SPAG17: variants seen among roughly 807,000 people sequenced by gnomAD.
The protein encoded by SPAG17 is sperm-associated antigen 17.
A neutral mutation model predicts 273.6 loss-of-function variants in SPAG17; 169 were observed. That is an observed-to-expected ratio of 0.62 (90% confidence interval 0.55 to 0.70). The LOEUF is 0.70. SPAG17 is among the 30% of genes least tolerant of loss of function. SPAG17 has a pLI of 0.00. For missense variants in SPAG17, 2,557 were observed against 2,627.8 expected (o/e 0.97, Z 0.59); for synonymous variants, 825 against 873.2 (o/e 0.94, Z 0.97).
At chr1:117,969,643 T>C (rs1226909117) in intron 46 of SPAG17, among the ~76,000 whole-genome samples, 1 of 152,172 alleles carries the variant, frequency 6.6e-6, no homozygotes, top group Non-Finnish European at 1.5e-5. Flanking sequence ...TTAAATAATA[T>C]TCTCTGACAA....
At chr1:118,091,841 G>A in intron 9 of SPAG17, 89 bp downstream of exon 9, 1 of 1,420,696 alleles carries the variant, frequency 7.0e-7, no homozygotes, top group Non-Finnish European at 1.0e-6. Context: ...GTAGGTGAAG[G>A]GAGGCTGAAA....
rs777669869 is a variant in SPAG17, at chr1:118,005,600, C to T, written c.4590G>A (p.Val1530=). ...AAAGAGAGCCTGTGTTTGGAGGTAA[C>T]ACCTGAAAGAGTAACAGAAAGACAG... The part of the protein sequence containing the change: ...IIAKPQGTYQ[V]LPPNTGSLYI... The change falls in exon 32 of 49, where the codon GTG becomes GTA. Residue 1530 remains valine, a splice_region_variant and synonymous_variant. Transcript: ENST00000336338. 3 of 1,472,778 alleles carry T rather than the reference C, an allele frequency of 2.0e-6. No homozygotes were observed. The highest frequency in any genetic ancestry group is 2.7e-6 in the Non-Finnish European group (3 of 1,109,050). The allele number at this position is 1,472,778 out of a possible 1,614,324, so 91.2% of individuals were successfully genotyped here. A position where few individuals can be genotyped will look rare whatever the true frequency, so the allele number is the denominator to read the frequency against.
At chr1:118,148,723 A>G (rs1045098694) in intron 3 of SPAG17, among the ~76,000 whole-genome samples, 1 of 152,188 alleles carries the variant, frequency 6.6e-6, no homozygotes, top group African/African-American at 2.4e-5. Context: ...TCTAAACAGA[A>G]ATAGATTCAT....
chr1:118,065,553 T>C (rs1293881743), intron 18 of SPAG17, among the ~76,000 whole-genome samples: 2 of 152,146 alleles, frequency 1.3e-5, no homozygotes, highest in Non-Finnish European at 2.9e-5. Context: ...CATGTAACTA[T>C]TCTAAACAAT....
At chr1:118,061,734 C>T (rs1652321387) in intron 18 of SPAG17, among the ~76,000 whole-genome samples, 1 of 152,114 alleles carries the variant, frequency 6.6e-6, no homozygotes, top group East Asian at 1.9e-4. Context: ...ATATGTTCAA[C>T]CTCTCAAGAT....
intron 18 of SPAG17, among the ~76,000 whole-genome samples, chr1:118,061,108 T>C (rs1306235507): frequency 6.6e-6 from 1 of 152,136 alleles, no homozygotes; most frequent in Non-Finnish European, 1.5e-5. Flanking sequence ...TTGGTAGGAA[T>C]GTAGAAAGGT....
At chr1:118,026,089 G>A (rs766921742) in intron 26 of SPAG17, among the ~76,000 whole-genome samples, 3 of 152,092 alleles carry the variant, frequency 2.0e-5, no homozygotes, top group Admixed American at 6.6e-5. Flanking sequence ...GGATACACAC[G>A]CTGCCCTGGT....
At chr1:117,982,000 G>A (rs1655871498) in intron 42 of SPAG17, among the ~76,000 whole-genome samples, 1 of 152,128 alleles carries the variant, frequency 6.6e-6, no homozygotes, top group Non-Finnish European at 1.5e-5. Flanking sequence ...ATTTCAAGAG[G>A]AGAATAAGCA....
chr1:118,184,090 C>A (rs902370951), intron 1 of SPAG17, among the ~76,000 whole-genome samples: 1 of 150,936 alleles, frequency 6.6e-6, no homozygotes, highest in African/African-American at 2.4e-5. Flanking sequence ...GAAAAAAAAA[C>A]AGTTATAGTG....
intron 30 of SPAG17, among the ~76,000 whole-genome samples, chr1:118,010,297 C>T (rs900091564): frequency 1.3e-5 from 2 of 152,226 alleles, no homozygotes; most frequent in African/African-American, 4.8e-5. Context: ...TGCTACTCAA[C>T]TATAAGCTAT....
chr1:118,172,479 CAAGTAT>C (rs1660459877), intron 1 of SPAG17, among the ~76,000 whole-genome samples: 1 of 152,040 alleles, frequency 6.6e-6, no homozygotes, highest in African/African-American at 2.4e-5. Flanking sequence ...GTTGGTCTCA[CAAGTAT>C]AGATGCCCTT....
chr1:117,971,543 T>G (rs1425941854), intron 45 of SPAG17, among the ~76,000 whole-genome samples: 1 of 150,398 alleles, frequency 6.6e-6, no homozygotes, highest in Admixed American at 6.6e-5. Flanking sequence ...GTGCATTAGT[T>G]GCTGTAACAC....
At chr1:118,052,993 C>T (rs377556670) in intron 20 of SPAG17, among the ~76,000 whole-genome samples, 57 of 151,742 alleles carry the variant, frequency 3.8e-4, no homozygotes, top group African/African-American at 1.2e-3. Context: ...TTACTAAGAC[C>T]CTCCTCCCAC....
At chr1:118,147,978 A>C (rs919434863) in intron 3 of SPAG17, among the ~76,000 whole-genome samples, 1 of 152,196 alleles carries the variant, frequency 6.6e-6, no homozygotes, top group Non-Finnish European at 1.5e-5. Context: ...CTAGGCTTTG[A>C]TTTAAAGCTA....
At chr1:117,971,680 C>T (rs986521185) in intron 45 of SPAG17, 183 bp downstream of exon 45, 37 of 468,434 alleles carry the variant, frequency 7.9e-5, no homozygotes, top group African/African-American at 6.6e-4. Flanking sequence ...ACCCGATAAA[C>T]ACTCACTGAT....
At chr1:118,170,891 G>T (rs2102392435) in intron 1 of SPAG17, among the ~76,000 whole-genome samples, 1 of 152,282 alleles carries the variant, frequency 6.6e-6, no homozygotes, top group East Asian at 1.9e-4. Flanking sequence ...AGCCAGACTA[G>T]AAAGAGCAGA....
At chr1:118,030,403 T>C (rs1419336100) in intron 25 of SPAG17, among the ~76,000 whole-genome samples, 1 of 152,078 alleles carries the variant, frequency 6.6e-6, no homozygotes, top group African/African-American at 2.4e-5. Context: ...TTTTAGAACC[T>C]TCTTTTTTTT....
chr1:117,974,871 T>G (rs925949330), intron 43 of SPAG17, among the ~76,000 whole-genome samples: 1 of 152,178 alleles, frequency 6.6e-6, no homozygotes, highest in Non-Finnish European at 1.5e-5. Context: ...GTGCCACACA[T>G]GTTTTTACAC....
rs1553242204 is a variant in SPAG17, at chr1:118,062,384, A to AAAAAAAAAAT, written c.2540+4360_2540+4361insATTTTTTTTT. Among the ~76,000 whole-genome samples, 185 of 149,210 alleles carry AAAAAAAAAAT rather than the reference A, an allele frequency of 1.2e-3. 5 individuals are homozygous for AAAAAAAAAAT. Among genetic ancestry groups the AAAAAAAAAAT allele is most frequent in the African/African-American group, 4.4e-3 (177 of 40,390 alleles). Reference sequence around the variant, plus strand: ...TCCATCTCAAAAAAAAAAAAAAAAAAAAATTAAAGAAAAAGGTTTGTATAA... The same window carrying AAAAAAAAAAT: ...TCCATCTCAAAAAAAAAAAAAAAAAAAAAAAAAAATAAATTAAAGAAAAAGGTTTGTATAA... On this transcript the variant is annotated intron_variant, in intron 18 of 48. Coordinates refer to ENST00000336338, the MANE Select transcript of SPAG17 (RefSeq NM_206996.4).
Sources: gnomAD v4.1 joint callset for allele counts (sites outside exome capture counted in the v4.1 genomes callset) on GRCh38, gnomAD v4.1.1 for gene constraint, MANE v1.5 for transcripts, NCBI Gene and HGNC (gene_info 2026-07-23, HGNC 2026-07-21) for gene names.